Variants in NXPE2 observed in about 807,000 individuals in gnomAD.
NXPE2 encodes the protein NXPE family member 2.
NXPE2 carries 34 observed loss-of-function variants against 34.4 expected under a neutral mutation model. The ratio of observed to expected loss-of-function variants is 0.99; its 90% CI spans 0.75 to 1.31. The LOEUF (loss-of-function observed/expected upper bound fraction) is 1.31. NXPE2 is among the 40% of genes most tolerant of loss of function. The probability of loss-of-function intolerance (pLI) is 0.00; values close to 1 mark genes in which losing one functional copy is unlikely to be tolerated. For missense variants in NXPE2, 649 were observed against 672.5 expected (o/e 0.97, Z 0.39); for synonymous variants, 235 against 231.3 (o/e 1.02, Z -0.15).
At chr11:114,785,879 T>A in the NXPE2 span, among the ~76,000 whole-genome samples, 3 of 152,128 alleles carry the variant, frequency 2.0e-5, no homozygotes, top group African/African-American at 7.2e-5. Flanking sequence ...CCAGGTGAGG[T>A]GAATTTCTTG....
At chr11:114,639,822 TAATA>T in the NXPE2 span, among the ~76,000 whole-genome samples, 2 of 117,470 alleles carry the variant, frequency 1.7e-5, no homozygotes, top group African/African-American at 3.5e-5. Context: ...ATATAAAATA[TAATA>T]TATATTATAT....
the NXPE2 span, among the ~76,000 whole-genome samples, chr11:114,532,963 A>G: frequency 6.6e-6 from 1 of 152,212 alleles, no homozygotes; most frequent in Admixed American, 6.5e-5. Context: ...ATGTATTTCA[A>G]CATTTACTTA....
At chr11:114,606,482 T>C in the NXPE2 span, among the ~76,000 whole-genome samples, 2 of 151,284 alleles carry the variant, frequency 1.3e-5, no homozygotes, top group Non-Finnish European at 2.9e-5. Context: ...TAACCACTGT[T>C]CCTTGGTGGA....
At chr11:114,545,626 A>G in the NXPE2 span, among the ~76,000 whole-genome samples, 7 of 152,014 alleles carry the variant, frequency 4.6e-5, no homozygotes, top group South Asian at 4.2e-4. Flanking sequence ...ATTACTGTGT[A>G]TGATACTGTT....
chr11:114,810,747 A>G, the NXPE2 span, among the ~76,000 whole-genome samples: 9 of 152,296 alleles, frequency 5.9e-5, no homozygotes, highest in Non-Finnish European at 1.0e-4. Flanking sequence ...GTGGGACTAT[A>G]AACTAGTTCA....
At chr11:114,491,795 G>A in the NXPE2 span, among the ~76,000 whole-genome samples, 6 of 152,186 alleles carry the variant, frequency 3.9e-5, no homozygotes, top group African/African-American at 1.2e-4. Flanking sequence ...TTAAGAAAAT[G>A]TGGCACAGAT....
the NXPE2 span, among the ~76,000 whole-genome samples, chr11:114,669,504 T>A: frequency 6.6e-6 from 1 of 152,050 alleles, no homozygotes. Context: ...AAGAATGGCT[T>A]AGAAGTCCTG....
chr11:114,749,184 T>C, the NXPE2 span, among the ~76,000 whole-genome samples: 1 of 152,224 alleles, frequency 6.6e-6, no homozygotes, highest in African/African-American at 2.4e-5. Flanking sequence ...CATTGCTATT[T>C]GTGTTATTGT....
At chr11:114,653,604 T>A in the NXPE2 span, among the ~76,000 whole-genome samples, 1 of 147,714 alleles carries the variant, frequency 6.8e-6, no homozygotes, top group Non-Finnish European at 1.5e-5. Context: ...CTCGGCTCAC[T>A]GCAAGCTTCA....
At chr11:114,604,293 C>T in the NXPE2 span, among the ~76,000 whole-genome samples, 2 of 151,956 alleles carry the variant, frequency 1.3e-5, no homozygotes, top group South Asian at 2.1e-4. Context: ...AGTGTTGCCT[C>T]GTGGGTAACA....
the NXPE2 span, among the ~76,000 whole-genome samples, chr11:114,753,467 T>A: frequency 6.6e-6 from 1 of 152,222 alleles, no homozygotes; most frequent in Non-Finnish European, 1.5e-5. Flanking sequence ...AGTGTATATA[T>A]AACAGCCTGA....
chr11:114,612,293 ATAAG>A, the NXPE2 span, among the ~76,000 whole-genome samples: 1 of 151,716 alleles, frequency 6.6e-6, no homozygotes, highest in Non-Finnish European at 1.5e-5. Flanking sequence ...CCGTTGGATA[ATAAG>A]TATTGCCTCG....
chr11:114,702,629 T>C (rs567160038), intron 3 of NXPE2, among the ~76,000 whole-genome samples: 100 of 152,312 alleles, frequency 6.6e-4, no homozygotes, highest in African/African-American at 2.3e-3. Context: ...TATGCTCATT[T>C]TGAAGATGAG....
At chr11:114,501,067 C>T in the NXPE2 span, among the ~76,000 whole-genome samples, 9 of 152,198 alleles carry the variant, frequency 5.9e-5, no homozygotes, top group African/African-American at 2.2e-4. Flanking sequence ...ACTTATGACA[C>T]AGAAAACCAT....
chr11:114,759,310 A>G, the NXPE2 span, among the ~76,000 whole-genome samples: 1 of 152,106 alleles, frequency 6.6e-6, no homozygotes, highest in East Asian at 1.9e-4. Context: ...TGTCTCTACC[A>G]CCTTCTACTG....
chr11:114,496,519 A>G, the NXPE2 span, among the ~76,000 whole-genome samples: 1 of 152,130 alleles, frequency 6.6e-6, no homozygotes, highest in African/African-American at 2.4e-5. Flanking sequence ...TTGTATGGAT[A>G]GTTGTTCAAT....
chr11:114,527,083 G>C, the NXPE2 span: 18 of 152,212 alleles, frequency 1.2e-4, no homozygotes, highest in African/African-American at 4.3e-4. Flanking sequence ...TTCTCCATTT[G>C]TCCATAATGC....
the NXPE2 span, among the ~76,000 whole-genome samples, chr11:114,560,899 T>C: frequency 6.6e-6 from 1 of 152,202 alleles, no homozygotes; most frequent in Non-Finnish European, 1.5e-5. Flanking sequence ...CAGATTGGCT[T>C]TTCTCTTAGC....
chr11:114,620,995 G>A, the NXPE2 span, among the ~76,000 whole-genome samples: 16 of 152,166 alleles, frequency 1.1e-4, no homozygotes, highest in Non-Finnish European at 1.9e-4. Context: ...TTGCCCTCTG[G>A]ATAATAGGTG....
Sources: gnomAD v4.1 joint callset for allele counts (sites outside exome capture counted in the v4.1 genomes callset) on GRCh38, gnomAD v4.1.1 for gene constraint, MANE v1.5 for transcripts, NCBI Gene and HGNC (gene_info 2026-07-23, HGNC 2026-07-21) for gene names.